Variants in GNAL observed in about 807,000 individuals in gnomAD.
GNAL encodes G protein subunit alpha L, also known as guanine nucleotide-binding protein G(olf) subunit alpha.
GNAL carries 18 observed loss-of-function variants against 55.1 expected under a neutral mutation model. That is an observed-to-expected ratio of 0.33 (90% CI 0.23 to 0.48). The LOEUF is 0.48. Ranked by LOEUF, GNAL falls within the 20% of genes least tolerant of loss-of-function variation. The pLI is 0.99. For synonymous variants in GNAL, 253 were observed against 237.0 expected (o/e 1.07, Z -0.62); for missense variants, 412 against 614.1 (o/e 0.67, Z 3.48).
intron 4 of GNAL, among the ~76,000 whole-genome samples, chr18:11,792,902 A>C (rs919481552): frequency 6.6e-6 from 1 of 152,226 alleles, no homozygotes; most frequent in Non-Finnish European, 1.5e-5. Context: ...ATATAGTTGG[A>C]CTTGTTATAT....
chr18:11,862,481 C>G, intron 6 of GNAL, 32 bp downstream of exon 6: 1 of 1,477,274 alleles, frequency 6.8e-7, no homozygotes, highest in Non-Finnish European at 9.5e-7. Context: ...CACCACACAC[C>G]AGAAACTTTG....
At chr18:11,790,661 C>CTTTTTTTTTTT (rs397941591) in intron 4 of GNAL, among the ~76,000 whole-genome samples, 7 of 71,446 alleles carry the variant, frequency 9.8e-5, no homozygotes, top group Admixed American at 2.2e-4. Context: ...CTTTTTTTTT[C>CTTTTTTTTTTT]TTTTTTTTTT....
chr18:11,823,283 A>G (rs184130618), intron 4 of GNAL, among the ~76,000 whole-genome samples: 1 of 152,334 alleles, frequency 6.6e-6, no homozygotes, highest in Admixed American at 6.5e-5. Context: ...ACATAAACCT[A>G]GGGAGACAAG....
intron 8 of GNAL, 133 bp downstream of exon 8, chr18:11,867,359 T>A (rs2036286045): frequency 1.5e-6 from 1 of 683,084 alleles, no homozygotes; most frequent in East Asian, 2.8e-5. Context: ...ATGATGCTCC[T>A]TCCTTAGATA....
At chr18:11,758,446 A>T (rs1247788692) in intron 4 of GNAL, among the ~76,000 whole-genome samples, 1 of 152,192 alleles carries the variant, frequency 6.6e-6, no homozygotes, top group Non-Finnish European at 1.5e-5. Flanking sequence ...ACAAGCCAGA[A>T]CTGTAAAGGG....
intron 1 of GNAL, among the ~76,000 whole-genome samples, chr18:11,722,568 A>G (rs1261099195): frequency 3.3e-5 from 5 of 152,220 alleles, no homozygotes; most frequent in Non-Finnish European, 5.9e-5. Context: ...GTAGGCATTT[A>G]CTGATAATAA....
chr18:11,815,594 C>T (rs1419492799), intron 4 of GNAL, among the ~76,000 whole-genome samples: 1 of 152,150 alleles, frequency 6.6e-6, no homozygotes, highest in Non-Finnish European at 1.5e-5. Flanking sequence ...CCACCAGGCC[C>T]CACCTCCAAC....
Position 11,746,198 on chromosome 18 carries a change from T to C in GNAL, c.377-6655T>C, listed in dbSNP as rs546130335. ...TTGCATCTGTGGAAATGGTTAAATA[T>C]CATCACTGTAGGTACAACCTCTGCA... On this transcript the variant is annotated intron_variant, in intron 1 of 11. Transcript: ENST00000334049. 3.5e-3 allele frequency: 1,923 copies of C among 542,382 alleles called. 13 individuals carry two copies. The highest frequency in any genetic ancestry group is 0.01 in the South Asian group (753 of 72,028). The allele number at this position is 542,382 out of a possible 1,614,324, so 33.6% of individuals were successfully genotyped here.
chr18:11,884,089 C>CAT lies in GNAL; in HGVS notation c.*2956_*2957dup, dbSNP rs1193175448. 4.7e-6 allele frequency: 1 copy of CAT among 213,292 alleles called. No individual in the cohort carries two copies. Among genetic ancestry groups the CAT allele is most frequent in the African/African-American group, 2.3e-5 (1 of 43,438 alleles). The allele number at this position is 213,292 out of a possible 1,614,324, so 13.2% of individuals were successfully genotyped here. A position where few individuals can be genotyped will look rare whatever the true frequency, so the allele number is the denominator to read the frequency against. Reference sequence around the variant, plus strand: ...AGCCCAATATTTATTTATGTATACACATAATCCCAAGTGTGTGCTGGGGCC... The same window carrying CAT: ...AGCCCAATATTTATTTATGTATACACATATAATCCCAAGTGTGTGCTGGGGCC... On this transcript the variant is annotated 3_prime_UTR_variant, in exon 12 of 12. Transcript: ENST00000334049.
intron 1 of GNAL, among the ~76,000 whole-genome samples, chr18:11,719,714 G>A (rs1391976595): frequency 6.6e-6 from 1 of 152,220 alleles, no homozygotes; most frequent in Non-Finnish European, 1.5e-5. Flanking sequence ...CCTCACCCTG[G>A]AAGAACGGAA....
chr18:11,825,761 CT>C (rs11357384), intron 5 of GNAL, among the ~76,000 whole-genome samples: 94,761 of 140,504 alleles, frequency 0.67, 34,014 homozygotes, highest in Admixed American at 0.81. Context: ...GAAAAGGACA[CT>C]TGGTGCCAGG....
chr18:11,689,840 G>C lies in GNAL; in HGVS notation c.277G>C (p.Glu93Gln). Residue 93 changes from glutamate (E) to glutamine (Q), a missense_variant, in exon 1 of 12, where the codon GAG becomes CAG. By Grantham distance (29) the Glu-to-Gln change is conservative. Transcript: ENST00000334049. ...GGAGCGCGAGGCGGCCAAGGAGCGC[G>C]AGGCGGTCAAGGAGGCGAGGAAAGT... ...AEEREAAKER[E>Q]AVKEARKVSR... The C allele has an allele frequency of 2.0e-6, 3 of 1,537,980 alleles. No individual in the cohort carries two copies. Among genetic ancestry groups the C allele is most frequent in the African/African-American group, 1.4e-5 (1 of 70,594 alleles).
chr18:11,874,615 C>T (rs566507497), intron 10 of GNAL, among the ~76,000 whole-genome samples: 8 of 107,578 alleles, frequency 7.4e-5, no homozygotes, highest in African/African-American at 3.0e-4. Context: ...AAAAAAAGCA[C>T]TCCAGCCTGG....
chr18:11,854,738 G>A (rs1014931746), intron 5 of GNAL, among the ~76,000 whole-genome samples: 16 of 151,988 alleles, frequency 1.1e-4, no homozygotes, highest in Admixed American at 7.9e-4. Flanking sequence ...CCAAGATTGC[G>A]CCATTGCACT....
At chr18:11,777,676 G>A (rs1279043830) in intron 4 of GNAL, among the ~76,000 whole-genome samples, 2 of 152,166 alleles carry the variant, frequency 1.3e-5, no homozygotes, top group Non-Finnish European at 2.9e-5. Flanking sequence ...TTCTTAGCAA[G>A]TTGTTTAGTC....
chr18:11,749,798 G>C (rs2032773452), intron 1 of GNAL, among the ~76,000 whole-genome samples: 1 of 152,200 alleles, frequency 6.6e-6, no homozygotes, highest in African/African-American at 2.4e-5. Context: ...ACCCAGAAAA[G>C]AGAGTCCCCA....
At chr18:11,820,231 T>C (rs539471230) in intron 4 of GNAL, among the ~76,000 whole-genome samples, 4 of 152,326 alleles carry the variant, frequency 2.6e-5, no homozygotes, top group East Asian at 1.9e-4. Flanking sequence ...GCTCTTCTTA[T>C]ATCTGTTGTT....
intron 4 of GNAL, among the ~76,000 whole-genome samples, chr18:11,770,648 T>C (rs1234734742): frequency 6.6e-6 from 1 of 152,170 alleles, no homozygotes; most frequent in Non-Finnish European, 1.5e-5. Context: ...CACAGGAGTG[T>C]ACCATTACCC....
Position 11,868,038 on chromosome 18 carries a change from T to C in GNAL, c.911-505T>C, listed in dbSNP as rs893176898. On this transcript the variant is annotated intron_variant, in intron 8 of 11. Transcript: ENST00000334049. The surrounding 1 kb of genome is among the most constrained non-coding windows in gnomAD (Gnocchi z 4.0). The stretch of plus-strand genomic sequence containing the variant: ...TACTCGGGAGGCTGAGGCAGGAGAA[T>C]CACCTGAACCCGGGAGGCAGAGGTT... Among the ~76,000 whole-genome samples, 2 of 152,084 alleles carry C rather than the reference T, an allele frequency of 1.3e-5. No homozygotes were observed. Among genetic ancestry groups the C allele is most frequent in the African/African-American group, 4.8e-5 (2 of 41,410 alleles).
Sources: gnomAD v4.1 joint callset for allele counts (sites outside exome capture counted in the v4.1 genomes callset) on GRCh38, gnomAD v4.1.1 for gene constraint, Gnocchi (gnomAD v3.1) non-coding constraint, MANE v1.5 for transcripts, NCBI Gene and HGNC (gene_info 2026-07-23, HGNC 2026-07-21) for gene names.